The following DNAH9 variants were observed in gnomAD, a reference collection of about 807,000 sequenced individuals.
DNAH9 encodes DNAH9 variant protein.
In DNAH9, 345 loss-of-function variants were observed where a neutral mutation model predicts 471.6. That is an observed-to-expected ratio of 0.73 (90% CI 0.67 to 0.80). The LOEUF (loss-of-function observed/expected upper bound fraction) is 0.80. DNAH9 is among the 30% of genes least tolerant of loss of function. The pLI is 0.00. For missense variants in DNAH9, 5,407 were observed against 5,609.2 expected, an observed-to-expected ratio of 0.96 and a Z score of 1.15; for synonymous variants, 2,093 against 2,123.6, an observed-to-expected ratio of 0.99 and a Z score of 0.40.
chr17:11,853,005 C>T (rs1042677649), intron 49 of DNAH9, among the ~76,000 whole-genome samples: 7 of 150,812 alleles, frequency 4.6e-5, no homozygotes, highest in South Asian at 2.1e-4. Flanking sequence ...GGATGTGGGT[C>T]ACTTTAGGTT....
At chr17:11,622,373 C>T (rs1160210852) in intron 6 of DNAH9, among the ~76,000 whole-genome samples, 1 of 152,098 alleles carries the variant, frequency 6.6e-6, no homozygotes, top group Non-Finnish European at 1.5e-5. Flanking sequence ...CCTCTTTTTC[C>T]CTCAGCCGTT....
rs1228755895 is a variant in DNAH9 at position 11,937,945 on chromosome 17, T to C, written c.12660+423T>C. ...CCTCAGTTCACCAACCAGATGCCAG[T>C]GGGGAAGAACACAGTCCTTCATAAT... On this transcript the variant is annotated intron_variant, in intron 66 of 68. Coordinates refer to ENST00000262442, the MANE Select transcript of DNAH9 (RefSeq NM_001372.4). This position sits in a 1 kb window ranked among gnomAD's most constrained non-coding sequence, Gnocchi z 4.1. Among the ~76,000 whole-genome samples, 1 of 152,172 alleles carries C rather than the reference T, an allele frequency of 6.6e-6. No homozygotes were observed. Among genetic ancestry groups the C allele is most frequent in the South Asian group, 2.1e-4 (1 of 4,828 alleles).
chr17:11,824,560 G>T (rs551880965), intron 48 of DNAH9, among the ~76,000 whole-genome samples: 1 of 152,186 alleles, frequency 6.6e-6, no homozygotes, highest in South Asian at 2.1e-4. Context: ...CTTTCATCCT[G>T]TTGGCTTTTT....
chr17:11,954,840 G>T (rs1374924396), intron 67 of DNAH9, among the ~76,000 whole-genome samples: 3 of 151,512 alleles, frequency 2.0e-5, no homozygotes, highest in Non-Finnish European at 4.4e-5. Context: ...TGGAAATTTG[G>T]ATCTAAACAA....
At chr17:11,706,599 TGGAAAGG>T (rs2074705803) in intron 26 of DNAH9, among the ~76,000 whole-genome samples, 1 of 152,104 alleles carries the variant, frequency 6.6e-6, no homozygotes, top group African/African-American at 2.4e-5. Flanking sequence ...GGAAAAGAAC[TGGAAAGG>T]CTTCAGGGAA....
chr17:11,663,722 C>T (rs1391062368), intron 14 of DNAH9, among the ~76,000 whole-genome samples: 2 of 152,136 alleles, frequency 1.3e-5, no homozygotes, highest in Non-Finnish European at 2.9e-5. Flanking sequence ...GATAGCTTGA[C>T]AGTAAGAGAA....
At chr17:11,664,728 A>T in intron 14 of DNAH9, 105 bp from the exon 15 acceptor site, 1 of 929,456 alleles carries the variant, frequency 1.1e-6, no homozygotes, top group Non-Finnish European at 1.6e-6. Flanking sequence ...AATTCTCCAC[A>T]AGAGAGTTTT....
intron 61 of DNAH9, among the ~76,000 whole-genome samples, chr17:11,911,565 C>A (rs1460497660): frequency 6.6e-6 from 1 of 152,074 alleles, no homozygotes; most frequent in Non-Finnish European, 1.5e-5. Flanking sequence ...TTCTTGCTGT[C>A]ATCTTATGTT....
chr17:11,644,566 G>A, intron 10 of DNAH9, 65 bp from the exon 11 acceptor site: 1 of 1,233,036 alleles, frequency 8.1e-7, no homozygotes, highest in South Asian at 1.3e-5. Context: ...ACTGCAGTTT[G>A]TTCCTCGGAT....
chr17:11,611,605 T>C, intron 3 of DNAH9, 45 bp from the exon 4 acceptor site: 1 of 1,601,428 alleles, frequency 6.2e-7, no homozygotes. Context: ...GTGACTTGCA[T>C]TTCCTGATGC....
At position 11,669,065 on chromosome 17, in the gene DNAH9, G is replaced by A. The variant is rs1487673485; in HGVS notation, c.2733G>A (p.Glu911=). ...CSLKYLLENT[E]CKAGLTPIFE... ...TTGCTTGTTTTCTGTGTTTTTCAGA[G>A]TGTAAGGCAGGACTTACCCCAATAT... Residue 911 remains glutamate (E), a splice_region_variant and synonymous_variant, in exon 16 of 69, where the codon GAG becomes GAA. Coordinates refer to ENST00000262442, the MANE Select transcript of DNAH9 (RefSeq NM_001372.4). 3 of 1,607,258 alleles carry A rather than the reference G, an allele frequency of 1.9e-6. No homozygotes were observed. Among genetic ancestry groups the A allele is most frequent in the Non-Finnish European group, 2.6e-6 (3 of 1,175,572 alleles).
At chr17:11,906,538 A>T (rs1233745275) in intron 61 of DNAH9, among the ~76,000 whole-genome samples, 2 of 151,864 alleles carry the variant, frequency 1.3e-5, no homozygotes, top group East Asian at 3.9e-4. Flanking sequence ...GAGGCAGGAG[A>T]ATCGCTGGAA....
rs754438843 is a variant in DNAH9 at position 11,752,943 on chromosome 17, G to A, written c.6721G>A (p.Val2241Ile). 16 of 1,594,550 alleles carry A rather than the reference G, an allele frequency of 1.0e-5. No individual in the cohort carries two copies. The East Asian group carries it at 3.2e-4, about 32-fold the overall frequency. The change falls in exon 33 of 69, where the codon GTC becomes ATC. Residue 2241 changes from valine (V) to isoleucine (I), a missense_variant. By Grantham distance (29) the Val-to-Ile change is conservative. Coordinates refer to ENST00000262442, the MANE Select transcript of DNAH9 (RefSeq NM_001372.4). ...DPMWIESLNT[V>I]MDDNKVLTLA... is the part of the protein sequence containing the mutation. ...AATGTGGATTGAATCCCTGAATACT[G>A]TCATGGATGATAACAAGGTATGAAA...
At chr17:11,738,787 G>C (rs370831611) in intron 28 of DNAH9, 93 bp from the exon 29 acceptor site, 2 of 1,100,360 alleles carry the variant, frequency 1.8e-6, no homozygotes, top group Non-Finnish European at 2.7e-6. Context: ...ACAGTTCTTC[G>C]TGCTGTGTGT....
intron 67 of DNAH9, among the ~76,000 whole-genome samples, chr17:11,957,474 G>C (rs992432011): frequency 6.6e-6 from 1 of 150,916 alleles, no homozygotes; most frequent in Non-Finnish European, 1.5e-5. Flanking sequence ...ATGTAGAGAG[G>C]AATGAAGACT....
At chr17:11,697,164 T>G (rs373929186) in intron 22 of DNAH9, among the ~76,000 whole-genome samples, 15 of 152,356 alleles carry the variant, frequency 9.8e-5, no homozygotes, top group Middle Eastern at 3.4e-3. Flanking sequence ...GCCTCATTCT[T>G]AAATATTTAT....
At chr17:11,766,532 C>T (rs1171315042) in intron 36 of DNAH9, among the ~76,000 whole-genome samples, 1 of 152,174 alleles carries the variant, frequency 6.6e-6, no homozygotes, top group Non-Finnish European at 1.5e-5. Context: ...GGGTTCCCAG[C>T]TCTACCACAG....
chr17:11,839,292 G>A (rs781167253), intron 49 of DNAH9, among the ~76,000 whole-genome samples: 5 of 152,094 alleles, frequency 3.3e-5, no homozygotes, highest in African/African-American at 4.8e-5. Context: ...CGAGGCGGGC[G>A]GATCACGAGG....
intron 41 of DNAH9, among the ~76,000 whole-genome samples, chr17:11,784,977 C>A (rs1968811193): frequency 1.3e-5 from 2 of 152,118 alleles, no homozygotes; most frequent in African/African-American, 4.8e-5. Context: ...CCTCAAAAAA[C>A]CACATTGTCA....
Sources: allele counts gnomAD v4.1 joint callset (sites outside exome capture counted in the v4.1 genomes callset), GRCh38; gene constraint gnomAD v4.1.1; non-coding constraint Gnocchi (gnomAD v3.1); transcripts MANE v1.5; gene names NCBI Gene and HGNC (gene_info 2026-07-23, HGNC 2026-07-21).